The following GRID2 variants were observed in gnomAD, a reference collection of about 807,000 sequenced individuals.
GRID2 encodes glutamate receptor ionotropic, delta-2.
In GRID2, 33 loss-of-function variants were observed where a neutral mutation model predicts 114.8. That is an observed-to-expected ratio of 0.29 (90% CI 0.22 to 0.38). The LOEUF (loss-of-function observed/expected upper bound fraction) is 0.38. Ranked by LOEUF, GRID2 falls within the 10% of genes least tolerant of loss-of-function variation. The pLI, the probability that GRID2 is intolerant of heterozygous loss-of-function variation, is 1.00. For synonymous variants in GRID2, 505 were observed against 449.9 expected, an observed-to-expected ratio of 1.12 and a Z score of -1.55; for missense variants, 1,184 against 1,257.7, an observed-to-expected ratio of 0.94 and a Z score of 0.89.
chr4:93,318,450 A>C (rs1017514511), intron 8 of GRID2, among the ~76,000 whole-genome samples: 2 of 152,098 alleles, frequency 1.3e-5, no homozygotes, highest in Non-Finnish European at 2.9e-5. Flanking sequence ...GTTAGTTTCT[A>C]ACTTGCAAGC....
At chr4:92,347,343 G>A (rs572220499) in intron 1 of GRID2, among the ~76,000 whole-genome samples, 1 of 151,786 alleles carries the variant, frequency 6.6e-6, no homozygotes, top group African/African-American at 2.4e-5. Flanking sequence ...GTGTAGATAT[G>A]CCTCCATATT....
At position 92,468,298 on chromosome 4, in the gene GRID2, G is replaced by A. The variant is rs572756101; in HGVS notation, c.89-121833G>A. Among the ~76,000 whole-genome samples, 21 of 151,958 alleles carry A rather than the reference G, an allele frequency of 1.4e-4. 2 individuals carry two copies. In the South Asian group the frequency reaches 4.4e-3, roughly 31 times the overall value. ...AGCTGAATTTTTCAGATAAAATTGAGACTTACAGAGACTGAATAACTTTTC... is the reference window on the plus strand; with the variant it reads ...AGCTGAATTTTTCAGATAAAATTGAAACTTACAGAGACTGAATAACTTTTC... On this transcript the variant is annotated intron_variant, in intron 1 of 15. Coordinates refer to ENST00000282020, the MANE Select transcript of GRID2 (RefSeq NM_001510.4).
At chr4:93,738,794 A>T (rs1171430871) in intron 14 of GRID2, among the ~76,000 whole-genome samples, 1 of 152,124 alleles carries the variant, frequency 6.6e-6, no homozygotes, top group Non-Finnish European at 1.5e-5. Flanking sequence ...TATTAGAAAG[A>T]TTATTATAAT....
intron 2 of GRID2, among the ~76,000 whole-genome samples, chr4:92,983,846 T>G (rs1284609529): frequency 6.6e-6 from 1 of 152,138 alleles, no homozygotes; most frequent in Admixed American, 6.5e-5. Flanking sequence ...GAACTCTGTA[T>G]ATGTTTATTT....
At chr4:93,204,944 A>G (rs749062472) in intron 4 of GRID2, among the ~76,000 whole-genome samples, 61 of 152,252 alleles carry the variant, frequency 4.0e-4, no homozygotes, top group Admixed American at 9.8e-4. Context: ...CTGCCTATCT[A>G]TTGGTATTCA....
chr4:92,871,810 G>T (rs1745300705), intron 2 of GRID2, among the ~76,000 whole-genome samples: 1 of 152,140 alleles, frequency 6.6e-6, no homozygotes, highest in South Asian at 2.1e-4. Flanking sequence ...ACAGGGGAAA[G>T]AATATTGTCT....
At chr4:93,142,299 T>C (rs544218143) in intron 4 of GRID2, among the ~76,000 whole-genome samples, 26 of 152,336 alleles carry the variant, frequency 1.7e-4, no homozygotes, top group South Asian at 1.2e-3. Flanking sequence ...GCTGCTATCA[T>C]GAAGTGCCCA....
rs1338107174 is a variant in GRID2, at chr4:93,281,282, A to G, written c.1245+42792A>G. On this transcript the variant is annotated intron_variant, in intron 8 of 15. Transcript: ENST00000282020. ...GAGGAAAATACTTGACAGGTATAGG[A>G]AACAGCAAATGCTAAGGTTCTGCGG... 1.1e-4 allele frequency among the ~76,000 whole-genome samples: 17 copies of G among 151,932 alleles called. 1 individual carries two copies. Among genetic ancestry groups the G allele is most frequent in the Non-Finnish European group, 1.6e-4 (11 of 67,884 alleles).
At chr4:93,436,419 A>G (rs188735812) in intron 10 of GRID2, among the ~76,000 whole-genome samples, 29 of 152,228 alleles carry the variant, frequency 1.9e-4, no homozygotes, top group Middle Eastern at 3.4e-3. Flanking sequence ...AGTGTTCTCA[A>G]TGCCAGGCCT....
chr4:92,577,316 T>C lies in GRID2; in HGVS notation c.89-12815T>C, dbSNP rs1414288171. 2.6e-5 allele frequency among the ~76,000 whole-genome samples: 4 copies of C among 152,180 alleles called. No individual in the cohort carries two copies. The East Asian group carries it at 7.7e-4, about 29-fold the overall frequency. ...GATGTCAGGGACCTGTCACTGGCTG[T>C]GGGTTTAGTGGAGGTATAAACATTA... On this transcript the variant is annotated intron_variant, in intron 1 of 15. Coordinates refer to ENST00000282020, the MANE Select transcript of GRID2 (RefSeq NM_001510.4).
chr4:92,717,573 C>T (rs936612470), intron 2 of GRID2, among the ~76,000 whole-genome samples: 1 of 152,156 alleles, frequency 6.6e-6, no homozygotes, highest in African/African-American at 2.4e-5. Flanking sequence ...TTAAAGTAAA[C>T]ACAGTATGTC....
In GRID2 at chr4:92,688,037, C is replaced by CTT. The variant is rs760605020; in HGVS notation, c.244+97779_244+97780dup. ...GCCACATTGGTTGACCCTTCTTCTT[C>CTT]TTTTTTTTTTTTTTTTTTTTTTTTT... On this transcript the variant is annotated intron_variant, in intron 2 of 15. Coordinates refer to ENST00000282020, the MANE Select transcript of GRID2 (RefSeq NM_001510.4). 5.6e-3 allele frequency among the ~76,000 whole-genome samples: 250 copies of CTT among 44,692 alleles called. 15 individuals carry two copies. The highest frequency in any genetic ancestry group is 7.5e-3 in the African/African-American group (75 of 9,986). 29.3% of individuals were successfully genotyped at this position (44,692 alleles called of 152,430 possible).
chr4:93,333,249 A>T (rs1758689097), intron 8 of GRID2, among the ~76,000 whole-genome samples: 1 of 152,130 alleles, frequency 6.6e-6, no homozygotes. Flanking sequence ...GATCTTGTAA[A>T]ATGCACATCT....
At chr4:93,352,110 C>A (rs1201730262) in intron 8 of GRID2, among the ~76,000 whole-genome samples, 1 of 152,004 alleles carries the variant, frequency 6.6e-6, no homozygotes, top group Non-Finnish European at 1.5e-5. Flanking sequence ...TTAGAGAGCA[C>A]TTAATTCCTG....
chr4:92,891,126 G>A (rs934904802), intron 2 of GRID2, among the ~76,000 whole-genome samples: 6 of 152,090 alleles, frequency 3.9e-5, no homozygotes, highest in African/African-American at 1.2e-4. Flanking sequence ...GAGTCGCGGG[G>A]GCTAGGGGAG....
At chr4:93,131,396 C>T (rs969017007) in intron 4 of GRID2, among the ~76,000 whole-genome samples, 3 of 151,802 alleles carry the variant, frequency 2.0e-5, no homozygotes, top group Admixed American at 1.3e-4. Flanking sequence ...TCATGATCTG[C>T]CTACCTTGGC....
At chr4:93,152,362 C>A (rs898391954) in intron 4 of GRID2, among the ~76,000 whole-genome samples, 1 of 152,004 alleles carries the variant, frequency 6.6e-6, no homozygotes, top group African/African-American at 2.4e-5. Context: ...TTAAAACAAT[C>A]TGAAAATGAT....
intron 12 of GRID2, among the ~76,000 whole-genome samples, chr4:93,498,461 A>G (rs977279276): frequency 6.6e-6 from 1 of 151,914 alleles, no homozygotes; most frequent in Non-Finnish European, 1.5e-5. Context: ...AAGGAACCCA[A>G]GTATTAAAAT....
intron 2 of GRID2, among the ~76,000 whole-genome samples, chr4:93,031,249 T>C (rs1012551825): frequency 1.3e-5 from 2 of 152,042 alleles, no homozygotes; most frequent in African/African-American, 2.4e-5. Context: ...TTTCACCATA[T>C]TGGCCAGGCT....
Sources: allele counts gnomAD v4.1 joint callset (sites outside exome capture counted in the v4.1 genomes callset), GRCh38; gene constraint gnomAD v4.1.1; transcripts MANE v1.5; gene names NCBI Gene and HGNC (gene_info 2026-07-23, HGNC 2026-07-21).